The following TUBA1C variants were observed in gnomAD, a reference collection of about 807,000 sequenced individuals.
The protein encoded by TUBA1C is tubulin alpha 1c.
A neutral mutation model predicts 34.9 loss-of-function variants in TUBA1C; 16 were observed. The ratio of observed to expected loss-of-function variants is 0.46; its 90% CI spans 0.31 to 0.70. The LOEUF is 0.70. Ranked by LOEUF, TUBA1C falls within the 30% of genes least tolerant of loss-of-function variation. TUBA1C has a pLI of 0.05. For synonymous variants in TUBA1C, 177 were observed against 215.9 expected, an observed-to-expected ratio of 0.82 and a Z score of 1.58; for missense variants, 329 against 587.3, an observed-to-expected ratio of 0.56 and a Z score of 4.55.
chr12:49,268,661 C>T (rs1942948110), intron 1 of TUBA1C, among the ~76,000 whole-genome samples: 1 of 152,176 alleles, frequency 6.6e-6, no homozygotes, highest in African/African-American at 2.4e-5. Flanking sequence ...TTAGATTCTT[C>T]CACTTGGTTA....
chr12:49,229,042 T>G (rs1411885874), intron 1 of TUBA1C, among the ~76,000 whole-genome samples: 1 of 152,194 alleles, frequency 6.6e-6, no homozygotes, highest in Non-Finnish European at 1.5e-5. Flanking sequence ...AGAAAATCAT[T>G]AAAGTATTAA....
At chr12:49,240,035 GACACACAC>G (rs5798100) in intron 1 of TUBA1C, among the ~76,000 whole-genome samples, 141 of 138,774 alleles carry the variant, frequency 1.0e-3, no homozygotes, top group South Asian at 1.7e-3. Context: ...TCAGAGCACA[GACACACAC>G]ACACACACAC....
chr12:49,267,316 T>C (rs1942927822), intron 1 of TUBA1C, among the ~76,000 whole-genome samples: 1 of 152,252 alleles, frequency 6.6e-6, no homozygotes, highest in South Asian at 2.1e-4. Context: ...ATCAGGTATC[T>C]GGTTATCTCC....
chr12:49,269,329 C>T (rs1043788199), intron 1 of TUBA1C, 136 bp from the exon 2 acceptor site: 1 of 1,398,958 alleles, frequency 7.1e-7, no homozygotes, highest in African/African-American at 1.4e-5. Context: ...TCCCAAAGTA[C>T]TGGGATTACA....
At chr12:49,232,502 A>C (rs1330205485) in intron 1 of TUBA1C, among the ~76,000 whole-genome samples, 1 of 152,220 alleles carries the variant, frequency 6.6e-6, no homozygotes, top group Non-Finnish European at 1.5e-5. Context: ...TTCCTGATAC[A>C]GAAGTCAGGC....
At chr12:49,228,850 A>C (rs1405495174) in intron 1 of TUBA1C, among the ~76,000 whole-genome samples, 1 of 152,152 alleles carries the variant, frequency 6.6e-6, no homozygotes, top group South Asian at 2.1e-4. Flanking sequence ...TTTAATCCTC[A>C]GGGCACCCTG....
chr12:49,259,231 ATACT>A (rs1021163741), intron 1 of TUBA1C, among the ~76,000 whole-genome samples: 1 of 151,638 alleles, frequency 6.6e-6, no homozygotes, highest in African/African-American at 2.4e-5. Context: ...TTAGATACAA[ATACT>A]TTCTTTTTTT....
chr12:49,270,891 A>G (rs929478820), intron 3 of TUBA1C, among the ~76,000 whole-genome samples: 5 of 152,180 alleles, frequency 3.3e-5, no homozygotes, highest in African/African-American at 1.2e-4. Context: ...AGGCAGGAGA[A>G]TGGCGTGAAC....
At chr12:49,249,797 T>C (rs1443533288) in intron 1 of TUBA1C, among the ~76,000 whole-genome samples, 1 of 150,392 alleles carries the variant, frequency 6.6e-6, no homozygotes, top group Non-Finnish European at 1.5e-5. Context: ...GCCTGAGAGG[T>C]TGAGGCTGCA....
At chr12:49,271,972 T>TC (rs63493961) in intron 3 of TUBA1C, among the ~76,000 whole-genome samples, 1 of 105,454 alleles carries the variant, frequency 9.5e-6, no homozygotes, top group Non-Finnish European at 1.8e-5. Flanking sequence ...ACTTAAAAGC[T>TC]TTTTTTTTTT....
At chr12:49,247,706 G>A (rs1181314361) in intron 1 of TUBA1C, among the ~76,000 whole-genome samples, 1 of 152,146 alleles carries the variant, frequency 6.6e-6, no homozygotes, top group Non-Finnish European at 1.5e-5. Context: ...CCAGCACTTT[G>A]GGAGGCCAAG....
At chr12:49,270,610 A>G (rs1441460665) in intron 3 of TUBA1C, among the ~76,000 whole-genome samples, 2 of 152,212 alleles carry the variant, frequency 1.3e-5, no homozygotes, top group African/African-American at 4.8e-5. Context: ...GAATAGCCTC[A>G]TCATTCATGG....
Position 49,265,194 on chromosome 12 carries a change from G to A in TUBA1C, c.3+10G>A. ...TCAAGTTCTAGTCATGGTGAGTGGG[G>A]TTCCCTCGGGGCTGGGGAAGAGTGC... On this transcript the variant is annotated intron_variant, in intron 1 of 3. Transcript: ENST00000301072. 1 of 1,598,706 alleles carries A rather than the reference G, an allele frequency of 6.3e-7. No homozygotes were observed.
intron 1 of TUBA1C, among the ~76,000 whole-genome samples, chr12:49,252,154 G>A (rs999837886): frequency 6.6e-6 from 1 of 152,190 alleles, no homozygotes; most frequent in African/African-American, 2.4e-5. Context: ...TTAAACTCCA[G>A]AATATGATGC....
intron 1 of TUBA1C, among the ~76,000 whole-genome samples, chr12:49,265,671 G>C (rs926074376): frequency 1.3e-5 from 2 of 152,212 alleles, no homozygotes; most frequent in Non-Finnish European, 2.9e-5. Context: ...CTGTGGCCCT[G>C]CCCTGGGGAG....
At chr12:49,272,193 C>T (rs1943000198) in intron 3 of TUBA1C, 60 bp from the exon 4 acceptor site, 2 of 1,543,158 alleles carry the variant, frequency 1.3e-6, no homozygotes, top group Non-Finnish European at 1.7e-6. Context: ...TAGGTTTCAC[C>T]AAATGTGAAC....
chr12:49,245,015 G>A (rs1378780699), intron 1 of TUBA1C, among the ~76,000 whole-genome samples: 3 of 152,160 alleles, frequency 2.0e-5, no homozygotes, highest in Non-Finnish European at 4.4e-5. Flanking sequence ...GTGACTAAGT[G>A]GCAGAGCTAT....
chr12:49,260,143 G>C (rs1942827912), upstream of TUBA1C, among the ~76,000 whole-genome samples: 1 of 152,082 alleles, frequency 6.6e-6, no homozygotes, highest in African/African-American at 2.4e-5. Flanking sequence ...AATATGAGTA[G>C]TTCCTTTTAC....
chr12:49,272,264 C>T lies in TUBA1C; in HGVS notation c.387C>T (p.Cys129=), dbSNP rs761488643. Residue 129 remains cysteine, a synonymous_variant, in exon 4 of 4, where the codon TGC becomes TGT. Coordinates refer to ENST00000301072, the MANE Select transcript of TUBA1C (RefSeq NM_032704.5). ...LDRIRKLADQ[C]TGLQGFLVFH... is the part of the protein sequence containing the mutation. ...TTTTTATTTTGCAGGCTGACCAGTG[C>T]ACCGGTCTTCAGGGCTTCTTGGTTT... The T allele has an allele frequency of 1.9e-6, 3 of 1,610,616 alleles. No homozygotes were observed. The highest frequency in any genetic ancestry group is 3.4e-5 in the Admixed American group (2 of 59,160).
Sources: allele counts gnomAD v4.1 joint callset (sites outside exome capture counted in the v4.1 genomes callset), GRCh38; gene constraint gnomAD v4.1.1; transcripts MANE v1.5; gene names NCBI Gene and HGNC (gene_info 2026-07-23, HGNC 2026-07-21).